PRR5: variants seen among roughly 807,000 people sequenced by gnomAD.
PRR5 encodes proline rich 5.
Under a neutral mutation model 30.6 loss-of-function variants are expected in PRR5, and 25 were observed. The ratio of observed to expected loss-of-function variants is 0.82; its 90% CI spans 0.60 to 1.14. PRR5 has a LOEUF of 1.14. Ranked by LOEUF, PRR5 falls within the 50% of genes most tolerant of loss-of-function variation. The pLI is 0.00. For synonymous variants in PRR5, 286 were observed against 247.1 expected, an observed-to-expected ratio of 1.16 and a Z score of -1.48; for missense variants, 600 against 547.1, an observed-to-expected ratio of 1.10 and a Z score of -0.96.
At chr22:44,700,166 T>A (rs967611278), upstream of PRR5, among the ~76,000 whole-genome samples, 8 of 152,098 alleles carry the variant, frequency 5.3e-5, no homozygotes, top group East Asian at 3.9e-4. Flanking sequence ...CAAAATTTTT[T>A]AAAAATTAGC....
At chr22:44,704,224 G>C (rs1293553792) in intron 1 of PRR5, among the ~76,000 whole-genome samples, 1 of 152,208 alleles carries the variant, frequency 6.6e-6, no homozygotes, top group Admixed American at 6.5e-5. Context: ...TGTCCCTGTA[G>C]GGATGGCATT....
rs939766540 is a variant in PRR5, at chr22:44,727,059, G to A, written c.322+425G>A. Among the ~76,000 whole-genome samples, 10 of 151,962 alleles carry A rather than the reference G, an allele frequency of 6.6e-5. No homozygotes were observed. The South Asian group carries it at 8.3e-4, about 13-fold the overall frequency. On this transcript the variant is annotated intron_variant, in intron 4 of 7. Coordinates refer to ENST00000336985, the MANE Select transcript of PRR5 (RefSeq NM_181333.4). The stretch of plus-strand genomic sequence containing the variant: ...GGGACTCAGCTGAATTTTCTCTGTC[G>A]AGGCTCACAGCCACCCACTGGGACC...
At chr22:44,729,497 C>T (rs548195840) in intron 4 of PRR5, 13 of 985,446 alleles carry the variant, frequency 1.3e-5, no homozygotes, top group Admixed American at 6.1e-5. Flanking sequence ...CACCCGGCCC[C>T]GTCCTGCCGG....
upstream of PRR5, among the ~76,000 whole-genome samples, chr22:44,676,576 G>A (rs564748165): frequency 1.6e-4 from 24 of 152,078 alleles, no homozygotes; most frequent in African/African-American, 2.7e-4. Flanking sequence ...TGGGGGGTTC[G>A]ACTGGGCCAA....
intron 2 of PRR5, among the ~76,000 whole-genome samples, chr22:44,718,946 T>A (rs1929518412): frequency 6.6e-6 from 1 of 152,256 alleles, no homozygotes; most frequent in Non-Finnish European, 1.5e-5. Flanking sequence ...CTGTGAGCTG[T>A]CATTTCACTT....
At chr22:44,723,142 C>T (rs186550981) in intron 2 of PRR5, among the ~76,000 whole-genome samples, 5 of 152,086 alleles carry the variant, frequency 3.3e-5, no homozygotes, top group Non-Finnish European at 5.9e-5. Context: ...CCCACCACCA[C>T]GCCCAGCTAA....
chr22:44,721,470 A>G (rs527755457), intron 2 of PRR5, among the ~76,000 whole-genome samples: 31 of 152,210 alleles, frequency 2.0e-4, no homozygotes, highest in Non-Finnish European at 3.8e-4. Context: ...TTACAAAGTT[A>G]TACTCCTATG....
intron 2 of PRR5, among the ~76,000 whole-genome samples, chr22:44,722,492 C>A (rs1334950752): frequency 6.6e-6 from 1 of 152,238 alleles, no homozygotes; most frequent in African/African-American, 2.4e-5. Context: ...CACCTGAGTG[C>A]CGGTTCCCTC....
upstream of PRR5, among the ~76,000 whole-genome samples, chr22:44,699,743 A>G (rs965542239): frequency 1.3e-5 from 2 of 152,226 alleles, no homozygotes; most frequent in African/African-American, 4.8e-5. Context: ...GAAGGCGGTC[A>G]GAGACAGGGG....
rs186409177 is a variant in PRR5, at chr22:44,686,798, G to A, written c.-11+9558G>A. ...CAAAGTAATTTTTGTATTTTTAATAGAGACTGGGTTTTGCCATGCTGGCCA... is the reference window on the plus strand; with the variant it reads ...CAAAGTAATTTTTGTATTTTTAATAAAGACTGGGTTTTGCCATGCTGGCCA... On this transcript the variant is annotated intron_variant, in intron 1 of 8. Transcript: ENST00000006251. Among the ~76,000 whole-genome samples the A allele has an allele frequency of 4.6e-3, 707 of 152,298 alleles. 2 individuals carry two copies. Among genetic ancestry groups the A allele is most frequent in the Non-Finnish European group, 6.7e-3 (455 of 68,030 alleles).
At chr22:44,718,269 A>G (rs1169242043) in intron 2 of PRR5, among the ~76,000 whole-genome samples, 1 of 130,658 alleles carries the variant, frequency 7.7e-6, no homozygotes, top group Non-Finnish European at 1.5e-5. Flanking sequence ...ATCTTGGCTC[A>G]CTGCAACCTC....
chr22:44,710,406 G>A (rs953720570), intron 1 of PRR5, among the ~76,000 whole-genome samples: 3 of 152,172 alleles, frequency 2.0e-5, no homozygotes, highest in African/African-American at 7.2e-5. Flanking sequence ...GGCTGGGGGG[G>A]CTTCCTAGAG....
upstream of PRR5, among the ~76,000 whole-genome samples, chr22:44,697,631 A>G (rs1334261340): frequency 6.6e-6 from 1 of 152,042 alleles, no homozygotes; most frequent in African/African-American, 2.4e-5. Flanking sequence ...TGCCTAGGAA[A>G]GCAGGCAGGG....
chr22:44,725,191 A>G (rs1569102804), intron 2 of PRR5, 53 bp from the exon 3 acceptor site: 3 of 1,606,006 alleles, frequency 1.9e-6, no homozygotes, highest in African/African-American at 1.3e-5. Context: ...TGGGTCCCCC[A>G]TGCCAGTGCC....
chr22:44,702,338 G>A lies in PRR5; in HGVS notation c.-137G>A. ...AGGCGCGGGGCCGGGGCGGGACCCC[G>A]CAGGACCGCTCGGCTTCCTGCTCTC... On this transcript the variant is annotated 5_prime_UTR_variant, in exon 1 of 8. Coordinates refer to ENST00000336985, the MANE Select transcript of PRR5 (RefSeq NM_181333.4). 8.5e-7 allele frequency: 1 copy of A among 1,170,574 alleles called. No homozygotes were observed. The highest frequency in any genetic ancestry group is 1.1e-6 in the Non-Finnish European group (1 of 945,752). The allele number at this position is 1,170,574 out of a possible 1,614,324, so 72.5% of individuals were successfully genotyped here.
At chr22:44,732,975 A>G (rs572878630) in intron 6 of PRR5, among the ~76,000 whole-genome samples, 18 of 149,184 alleles carry the variant, frequency 1.2e-4, no homozygotes, top group Admixed American at 3.3e-4. Context: ...ACGCATACAC[A>G]CTACACACAT....
chr22:44,734,663 C>A, intron 6 of PRR5: 1 of 208,486 alleles, frequency 4.8e-6, no homozygotes, highest in Non-Finnish European at 9.6e-6. Context: ...GCCCTCCCTG[C>A]GTGGGGTCAG....
chr22:44,710,622 CCGCAG>C (rs1928059105), intron 1 of PRR5, among the ~76,000 whole-genome samples: 1 of 151,016 alleles, frequency 6.6e-6, no homozygotes, highest in Admixed American at 6.8e-5. Context: ...CCTGAGTGGC[CCGCAG>C]CGAGGCTTTC....
intron 7 of PRR5, among the ~76,000 whole-genome samples, chr22:44,735,712 C>T (rs1389164190): frequency 5.9e-5 from 9 of 152,268 alleles, no homozygotes; most frequent in African/African-American, 7.2e-5. Context: ...CGGGGGAGGC[C>T]GACCAGTGAG....
Sources: allele counts gnomAD v4.1 joint callset (sites outside exome capture counted in the v4.1 genomes callset), GRCh38; gene constraint gnomAD v4.1.1; transcripts MANE v1.5; gene names NCBI Gene and HGNC (gene_info 2026-07-23, HGNC 2026-07-21).